Variants in CRPPA observed in about 807,000 individuals in gnomAD.
The protein encoded by CRPPA is D-ribitol-5-phosphate cytidylyltransferase.
In CRPPA, 43 loss-of-function variants were observed where a neutral mutation model predicts 52.0. The ratio of observed to expected loss-of-function variants is 0.83; its 90% CI spans 0.65 to 1.07. The LOEUF (loss-of-function observed/expected upper bound fraction) is 1.07, where lower values mean the gene tolerates loss of function less well. Among genes scored for constraint, CRPPA ranks in the 50% least tolerant of loss-of-function variants. The probability of loss-of-function intolerance (pLI) is 0.00; values close to 1 mark genes in which losing one functional copy is unlikely to be tolerated. For synonymous variants in CRPPA, 250 were observed against 203.5 expected (o/e 1.23, Z -1.94); for missense variants, 629 against 551.7 (o/e 1.14, Z -1.40).
chr7:16,279,545 T>C (rs1784277926), intron 5 of CRPPA, among the ~76,000 whole-genome samples: 1 of 152,178 alleles, frequency 6.6e-6, no homozygotes, highest in South Asian at 2.1e-4. Context: ...TACGTGGTGC[T>C]AATAAAAGTC....
intron 8 of CRPPA, among the ~76,000 whole-genome samples, chr7:16,226,922 TC>T (rs1166024154): frequency 1.3e-5 from 2 of 151,924 alleles, no homozygotes; most frequent in East Asian, 3.9e-4. Flanking sequence ...CTTTGACATT[TC>T]CCTAACCCTC....
chr7:16,396,694 GTAGA>G (rs935278009), intron 2 of CRPPA, among the ~76,000 whole-genome samples: 42 of 152,340 alleles, frequency 2.8e-4, no homozygotes, highest in African/African-American at 7.2e-4. Context: ...CAGTCAATGA[GTAGA>G]TAGAGAAAAT....
chr7:16,125,788 C>T (rs1166925283), intron 9 of CRPPA, among the ~76,000 whole-genome samples: 1 of 151,804 alleles, frequency 6.6e-6, no homozygotes, highest in African/African-American at 2.4e-5. Context: ...TCAAGAAGCT[C>T]GATCAAGATG....
intron 6 of CRPPA, among the ~76,000 whole-genome samples, chr7:16,263,325 A>G (rs959055394): frequency 3.3e-5 from 5 of 152,146 alleles, no homozygotes; most frequent in African/African-American, 7.2e-5. Context: ...ATTTTTCTCT[A>G]TTGTCACAAA....
intron 9 of CRPPA, among the ~76,000 whole-genome samples, chr7:16,107,968 T>C (rs1237423661): frequency 1.3e-5 from 2 of 151,728 alleles, no homozygotes; most frequent in Non-Finnish European, 2.9e-5. Flanking sequence ...TACATAAGCC[T>C]CATGGTAACC....
chr7:16,323,975 G>A (rs1442654095), intron 3 of CRPPA, among the ~76,000 whole-genome samples: 1 of 152,168 alleles, frequency 6.6e-6, no homozygotes, highest in Admixed American at 6.5e-5. Flanking sequence ...CAGCAAATAG[G>A]AAGGAAGGCA....
At chr7:16,176,218 A>G (rs1781293406) in intron 9 of CRPPA, among the ~76,000 whole-genome samples, 1 of 152,190 alleles carries the variant, frequency 6.6e-6, no homozygotes, top group South Asian at 2.1e-4. Context: ...AATGCCATTA[A>G]AATAACAAAA....
chr7:16,277,952 G>A lies in CRPPA; in HGVS notation c.933+177C>T, dbSNP rs560138466. ...AAAATCCACAAAAGGAATGAAAAGG[G>A]GGATGGAGTATGTTTCAGATCCTAA... is the stretch of plus-strand genomic sequence containing the variant. On this transcript the variant is annotated intron_variant, in intron 6 of 9. Coordinates refer to ENST00000407010, the MANE Select transcript of CRPPA (RefSeq NM_001101426.4). 3.7e-4 allele frequency among the ~76,000 whole-genome samples: 57 copies of A among 152,246 alleles called. 1 individual carries two copies. In the South Asian group the frequency reaches 4.6e-3, roughly 12 times the overall value.
rs117958343 is a variant in CRPPA at position 16,303,314 on chromosome 7, C to T, written c.790-1848G>A. 7.1e-3 allele frequency among the ~76,000 whole-genome samples: 1,084 copies of T among 151,814 alleles called. 6 individuals are homozygous for T. The highest frequency in any genetic ancestry group is 0.014 in the Middle Eastern group (4 of 292). ...TCTAATTTGGATAGAAGTGCAGTAG[C>T]CCACTTCACTAAACAAAGTTTCTGT... On this transcript the variant is annotated intron_variant, in intron 4 of 9. Coordinates refer to ENST00000407010, the MANE Select transcript of CRPPA (RefSeq NM_001101426.4).
At chr7:16,397,431 T>A (rs941503692) in intron 2 of CRPPA, among the ~76,000 whole-genome samples, 2 of 151,858 alleles carry the variant, frequency 1.3e-5, no homozygotes, top group Middle Eastern at 3.4e-3. Context: ...CTGACACGTG[T>A]AACGTGTGAT....
chr7:16,257,208 A>C lies in CRPPA; in HGVS notation c.1119+1182T>G, dbSNP rs548375011. Among the ~76,000 whole-genome samples the C allele has an allele frequency of 3.9e-4, 60 of 152,268 alleles. No homozygotes were observed. The South Asian group carries it at 0.012, about 29-fold the overall frequency. ...ACCAAGAAACAAGTGTTCTGAGTTC[A>C]AAGCCTTTGTTATTTTCACTACATT... On this transcript the variant is annotated intron_variant, in intron 8 of 9. Transcript: ENST00000407010.
chr7:16,108,781 T>C (rs1192907901), intron 9 of CRPPA, among the ~76,000 whole-genome samples: 1 of 151,892 alleles, frequency 6.6e-6, no homozygotes, highest in Non-Finnish European at 1.5e-5. Flanking sequence ...TAGTGTAATA[T>C]ATAATTAGAC....
chr7:16,380,458 A>G (rs1238937383), intron 2 of CRPPA, among the ~76,000 whole-genome samples: 6 of 151,926 alleles, frequency 3.9e-5, no homozygotes, highest in East Asian at 1.9e-4. Context: ...TCTCTTTTTT[A>G]GTTGTGTCTC....
intron 3 of CRPPA, among the ~76,000 whole-genome samples, chr7:16,361,439 C>G (rs762012227): frequency 5.9e-5 from 9 of 152,118 alleles, no homozygotes; most frequent in African/African-American, 1.2e-4. Flanking sequence ...TCCACTATAG[C>G]CAAGAGGTAG....
rs948294733 is a variant in CRPPA at position 16,090,711 on chromosome 7, T to C, written c.*984A>G. ...GCACTCCAGCCTGACAGAGGGCGAC[T>C]GCATTTCAAAACAATAAAAAATAAA... is the stretch of plus-strand genomic sequence containing the variant. On this transcript the variant is annotated 3_prime_UTR_variant, in exon 10 of 10. Transcript: ENST00000407010. 2 of 152,050 alleles carry C rather than the reference T, an allele frequency of 1.3e-5. No individual in the cohort carries two copies. The highest frequency in any genetic ancestry group is 4.8e-5 in the African/African-American group (2 of 41,398). 9.4% of individuals were successfully genotyped at this position (152,050 alleles called of 1,614,324 possible).
chr7:16,311,107 C>T (rs1021729491), intron 3 of CRPPA, among the ~76,000 whole-genome samples: 3 of 152,200 alleles, frequency 2.0e-5, no homozygotes, highest in East Asian at 1.9e-4. Flanking sequence ...CACATATACA[C>T]GACCTCTCCT....
At chr7:16,315,528 G>A (rs554609718) in intron 3 of CRPPA, among the ~76,000 whole-genome samples, 1 of 152,236 alleles carries the variant, frequency 6.6e-6, no homozygotes, top group South Asian at 2.1e-4. Context: ...AGTGGGAAAG[G>A]ATGGAGTTGG....
chr7:16,233,281 T>C (rs1453351287), intron 8 of CRPPA, among the ~76,000 whole-genome samples: 1 of 152,102 alleles, frequency 6.6e-6, no homozygotes, highest in African/African-American at 2.4e-5. Flanking sequence ...GAATAATTAA[T>C]GCTGAAGACA....
At chr7:16,327,465 C>T (rs986246186) in intron 3 of CRPPA, among the ~76,000 whole-genome samples, 54 of 151,984 alleles carry the variant, frequency 3.6e-4, no homozygotes, top group Non-Finnish European at 6.9e-4. Flanking sequence ...CGGTGGCGGG[C>T]GCCTGTAGTC....
Sources: gnomAD v4.1 joint callset for allele counts (sites outside exome capture counted in the v4.1 genomes callset) on GRCh38, gnomAD v4.1.1 for gene constraint, MANE v1.5 for transcripts, NCBI Gene and HGNC (gene_info 2026-07-23, HGNC 2026-07-21) for gene names.